RXFP1: variants seen among roughly 807,000 people sequenced by gnomAD.
RXFP1 encodes relaxin receptor 1.
Under a neutral mutation model 89.8 loss-of-function variants are expected in RXFP1, and 73 were observed. The ratio of observed to expected loss-of-function variants is 0.81; its 90% CI spans 0.67 to 0.99. The LOEUF (loss-of-function observed/expected upper bound fraction) is 0.99. Ranked by LOEUF, RXFP1 falls within the 50% of genes least tolerant of loss-of-function variation. RXFP1 has a pLI of 0.00. For missense variants in RXFP1, 793 were observed against 895.5 expected (o/e 0.89, Z 1.46); for synonymous variants, 277 against 305.5 (o/e 0.91, Z 0.97).
intron 11 of RXFP1, 127 bp from the exon 12 acceptor site, chr4:158,633,278 T>C: frequency 1.7e-6 from 1 of 600,706 alleles, no homozygotes; most frequent in Admixed American, 3.3e-5. Context: ...ATTTTTAGAC[T>C]TCTGGTGATT....
chr4:158,606,824 C>T (rs1762617706), intron 5 of RXFP1, among the ~76,000 whole-genome samples: 1 of 151,718 alleles, frequency 6.6e-6, no homozygotes, highest in African/African-American at 2.4e-5. Context: ...AAATGATCCT[C>T]CTGCCTTGGC....
intron 12 of RXFP1, 148 bp downstream of exon 12, chr4:158,633,624 A>G (rs999672576): frequency 7.6e-6 from 4 of 528,054 alleles, no homozygotes; most frequent in African/African-American, 6.0e-5. Context: ...CACCACCACC[A>G]TCTACCTCCA....
At chr4:158,631,147 C>T (rs762701232) in intron 11 of RXFP1, among the ~76,000 whole-genome samples, 3 of 152,194 alleles carry the variant, frequency 2.0e-5, no homozygotes, top group Non-Finnish European at 4.4e-5. Context: ...GCTGTTAGAA[C>T]TATCTGCCAG....
chr4:158,563,836 T>TTATAATGTTATAACATTATATTA (rs1193690898), intron 1 of RXFP1, among the ~76,000 whole-genome samples: 6 of 149,138 alleles, frequency 4.0e-5, no homozygotes, highest in South Asian at 2.1e-4. Flanking sequence ...CATTATAACA[T>TTATAATGTTATAACATTATATTA]TATAATGTTA....
intron 1 of RXFP1, among the ~76,000 whole-genome samples, chr4:158,553,483 G>A (rs555813786): frequency 7.2e-5 from 11 of 152,200 alleles, no homozygotes; most frequent in Middle Eastern, 3.4e-3. Context: ...GGACTGACAC[G>A]GGACAGAGGC....
chr4:158,604,050 A>G (rs1159620289), intron 4 of RXFP1, among the ~76,000 whole-genome samples: 1 of 151,990 alleles, frequency 6.6e-6, no homozygotes, highest in Non-Finnish European at 1.5e-5. Context: ...AGACTCTAGA[A>G]CAGTGTTTCT....
intron 1 of RXFP1, among the ~76,000 whole-genome samples, chr4:158,566,800 C>T (rs978655461): frequency 6.6e-5 from 10 of 152,274 alleles, no homozygotes; most frequent in South Asian, 2.1e-4. Context: ...TTGCAGCCCT[C>T]GCTCGCTCTC....
intron 1 of RXFP1, among the ~76,000 whole-genome samples, chr4:158,559,722 C>A (rs745279): frequency 1.3e-5 from 2 of 152,152 alleles, no homozygotes; most frequent in Non-Finnish European, 2.9e-5. Flanking sequence ...GGTAGAAATT[C>A]TTCATAGAAT....
chr4:158,576,568 C>A (rs1336348869), intron 2 of RXFP1, among the ~76,000 whole-genome samples: 1 of 152,038 alleles, frequency 6.6e-6, no homozygotes, highest in Non-Finnish European at 1.5e-5. Flanking sequence ...TGAACCTAAA[C>A]CCAATGAGCA....
Position 158,593,487 on chromosome 4 carries a change from A to G in RXFP1, c.274A>G (p.Thr92Ala), listed in dbSNP as rs1161784792. The G allele has an allele frequency of 6.3e-7, 1 of 1,595,370 alleles. No individual in the cohort carries two copies. Among genetic ancestry groups the G allele is most frequent in the African/African-American group, 1.3e-5 (1 of 74,532 alleles). ...TTCCCAATATCCTTTTGAGGCAGAA[A>G]CACCTGAATGTTGTAAGTAATCAGA... Reference protein sequence around the residue: ...MTSQYPFEAETPECLVGSVPV... With the variant: ...MTSQYPFEAEAPECLVGSVPV... The change falls in exon 3 of 18, where the codon ACA becomes GCA. Residue 92 changes from threonine to alanine, a missense_variant. By Grantham distance (58) the Thr-to-Ala change is moderately conservative. Coordinates refer to ENST00000307765, the MANE Select transcript of RXFP1 (RefSeq NM_021634.4).
intron 1 of RXFP1, among the ~76,000 whole-genome samples, chr4:158,548,280 T>G (rs1318322228): frequency 6.6e-6 from 1 of 152,202 alleles, no homozygotes; most frequent in East Asian, 1.9e-4. Flanking sequence ...AACCCCTGCC[T>G]TTTTTTGGTT....
intron 1 of RXFP1, among the ~76,000 whole-genome samples, chr4:158,550,064 G>T (rs1418855596): frequency 6.6e-6 from 1 of 152,228 alleles, no homozygotes; most frequent in Non-Finnish European, 1.5e-5. Context: ...AGCCTACAGA[G>T]GCAGGCAGGC....
At chr4:158,563,899 CAT>C (rs1014058074) in intron 1 of RXFP1, among the ~76,000 whole-genome samples, 8 of 147,388 alleles carry the variant, frequency 5.4e-5, no homozygotes, top group Admixed American at 2.0e-4. Flanking sequence ...TATTATATAA[CAT>C]ATTATATATA....
chr4:158,554,028 C>G (rs1446581564), intron 1 of RXFP1, among the ~76,000 whole-genome samples: 1 of 152,058 alleles, frequency 6.6e-6, no homozygotes, highest in Non-Finnish European at 1.5e-5. Flanking sequence ...TTGAAGAATT[C>G]TTAGCAGCAT....
At chr4:158,625,857 G>C (rs1332831496) in intron 9 of RXFP1, among the ~76,000 whole-genome samples, 2 of 152,046 alleles carry the variant, frequency 1.3e-5, no homozygotes, top group Non-Finnish European at 1.5e-5. Flanking sequence ...AGGCTGAATA[G>C]ATTTAAGGGC....
At chr4:158,622,156 C>G (rs961041998) in intron 9 of RXFP1, among the ~76,000 whole-genome samples, 1 of 151,860 alleles carries the variant, frequency 6.6e-6, no homozygotes, top group South Asian at 2.1e-4. Flanking sequence ...ACTAAAAATA[C>G]GAAAATTAGC....
chr4:158,529,244 T>TTTGTTGTTGTTGTTG (rs70962613), intron 1 of RXFP1, among the ~76,000 whole-genome samples: 94 of 110,048 alleles, frequency 8.5e-4, no homozygotes, highest in African/African-American at 3.5e-3. Flanking sequence ...TTGCTTGTTT[T>TTTGTTGTTGTTGTTG]TTGTTGTTGT....
chr4:158,607,917 T>C, intron 5 of RXFP1, 55 bp from the exon 6 acceptor site: 2 of 1,221,246 alleles, frequency 1.6e-6, no homozygotes, highest in East Asian at 2.4e-5. Context: ...CTTTTTGTCT[T>C]GCAAAAGTGA....
At chr4:158,528,309 G>A (rs915586598) in intron 1 of RXFP1, among the ~76,000 whole-genome samples, 1 of 151,932 alleles carries the variant, frequency 6.6e-6, no homozygotes. Context: ...AGACCAGCCT[G>A]GGGGGGCAAC....
Sources: allele counts gnomAD v4.1 joint callset (sites outside exome capture counted in the v4.1 genomes callset), GRCh38; gene constraint gnomAD v4.1.1; transcripts MANE v1.5; gene names NCBI Gene and HGNC (gene_info 2026-07-23, HGNC 2026-07-21).